CUX1: variants seen among roughly 807,000 people sequenced by gnomAD.
The protein encoded by CUX1 is cut like homeobox 1.
In CUX1, 31 loss-of-function variants were observed where a neutral mutation model predicts 158.8. That is an observed-to-expected ratio of 0.20 (90% confidence interval 0.15 to 0.26). CUX1 has a LOEUF of 0.26. CUX1 is among the 10% of genes least tolerant of loss of function. The probability of loss-of-function intolerance (pLI) is 1.00; values close to 1 mark genes in which losing one functional copy is unlikely to be tolerated. For synonymous variants in CUX1, 879 were observed against 862.1 expected (o/e 1.02, Z -0.34); for missense variants, 1,589 against 2,014.6 (o/e 0.79, Z 4.04).
At chr7:101,898,085 T>C (rs1412463864) in intron 1 of CUX1, among the ~76,000 whole-genome samples, 2 of 151,954 alleles carry the variant, frequency 1.3e-5, no homozygotes, top group Non-Finnish European at 2.9e-5. Context: ...AGCGCAGATG[T>C]ACTTGGAGTG....
intron 21 of CUX1, among the ~76,000 whole-genome samples, chr7:102,232,278 C>G (rs148419330): frequency 6.6e-6 from 1 of 152,118 alleles, no homozygotes; most frequent in East Asian, 1.9e-4. Flanking sequence ...CCCAGGAGCT[C>G]GAGTCCAGCC....
In CUX1 at chr7:102,257,824, T is replaced by G. The variant is rs1250917615; in HGVS notation, c.*8782T>G. The G allele has an allele frequency of 1.0e-6, 1 of 981,272 alleles. No individual in the cohort carries two copies. The highest frequency in any genetic ancestry group is 1.2e-6 in the Non-Finnish European group (1 of 829,392). 60.8% of individuals were successfully genotyped at this position (981,272 alleles called of 1,614,324 possible). On this transcript the variant is annotated 3_prime_UTR_variant, in exon 24 of 24. Transcript: ENST00000292535. Reference sequence around the variant, plus strand: ...AGAGCTTGTTTGTTCATCCTCACAATCACAGATTTTTTTCTCCAATCCTCA... The same window carrying G: ...AGAGCTTGTTTGTTCATCCTCACAAGCACAGATTTTTTTCTCCAATCCTCA...
chr7:102,122,233 C>G (rs952991840), intron 8 of CUX1, among the ~76,000 whole-genome samples: 7 of 152,206 alleles, frequency 4.6e-5, no homozygotes, highest in Admixed American at 3.3e-4. Context: ...GTTTCCAGTA[C>G]GAGTTGCTGT....
At chr7:102,036,365 A>G (rs1238717663) in intron 3 of CUX1, among the ~76,000 whole-genome samples, 1 of 152,236 alleles carries the variant, frequency 6.6e-6, no homozygotes, top group Non-Finnish European at 1.5e-5. Flanking sequence ...ACTCCAAGTT[A>G]GAGGAATTGC....
At chr7:102,033,642 T>C (rs1261865345) in intron 3 of CUX1, among the ~76,000 whole-genome samples, 1 of 152,214 alleles carries the variant, frequency 6.6e-6, no homozygotes, top group Non-Finnish European at 1.5e-5. Flanking sequence ...ACAACTTGAA[T>C]AGCTTTGTAA....
intron 9 of CUX1, among the ~76,000 whole-genome samples, chr7:102,168,913 A>ATTTTCTTTTC (rs1165450105): frequency 9.1e-6 from 1 of 109,850 alleles, no homozygotes; most frequent in Non-Finnish European, 1.7e-5. Flanking sequence ...CTTTTCTTTT[A>ATTTTCTTTTC]TTTTCTTTTC....
intron 20 of CUX1, chr7:102,280,934 C>T: frequency 7.0e-7 from 1 of 1,438,104 alleles, no homozygotes; most frequent in South Asian, 1.2e-5. Context: ...CTTCACCTGC[C>T]CTGCAGCCCA....
intron 2 of CUX1, among the ~76,000 whole-genome samples, chr7:101,926,592 C>T (rs940563344): frequency 1.3e-5 from 2 of 152,190 alleles, no homozygotes; most frequent in Admixed American, 6.5e-5. Context: ...GTGACAGAAA[C>T]TTAACCCCAG....
intron 1 of CUX1, among the ~76,000 whole-genome samples, chr7:101,860,084 C>T (rs949112593): frequency 6.6e-6 from 1 of 151,814 alleles, no homozygotes; most frequent in Non-Finnish European, 1.5e-5. Flanking sequence ...CCCCTTCTCC[C>T]CTCTCCTATC....
intron 1 of CUX1, among the ~76,000 whole-genome samples, chr7:101,853,098 C>G (rs78657756): frequency 6.6e-6 from 1 of 152,122 alleles, no homozygotes; most frequent in Non-Finnish European, 1.5e-5. Context: ...AACCCTCCAC[C>G]CAACCCTAAG....
chr7:102,065,496 G>A (rs1422324760), intron 3 of CUX1, among the ~76,000 whole-genome samples: 1 of 152,220 alleles, frequency 6.6e-6, no homozygotes, highest in Non-Finnish European at 1.5e-5. Context: ...GCCCAGCCTT[G>A]AGGCCCATTC....
At position 101,840,761 on chromosome 7, in the gene CUX1, C is replaced by T. The variant is rs1584723636; in HGVS notation, c.30+23092C>T. Among the ~76,000 whole-genome samples the T allele has an allele frequency of 3.3e-5, 5 of 152,254 alleles. No homozygotes were observed. The South Asian group carries it at 8.3e-4, about 25-fold the overall frequency. On this transcript the variant is annotated intron_variant, in intron 1 of 23. Coordinates refer to ENST00000292535, the MANE Select transcript of CUX1 (RefSeq NM_181552.4). ...TATATAACATGAGGATTATCTGTATCTTAAAATTTGATAGCTCACCTTTGA... is the reference window on the plus strand; with the variant it reads ...TATATAACATGAGGATTATCTGTATTTTAAAATTTGATAGCTCACCTTTGA...
In CUX1 at chr7:101,974,600, A is replaced by G. The variant is rs953134812; in HGVS notation, c.142-53498A>G. Among the ~76,000 whole-genome samples, 7 of 152,302 alleles carry G rather than the reference A, an allele frequency of 4.6e-5. 1 individual carries two copies. Among genetic ancestry groups the G allele is most frequent in the Admixed American group, 3.9e-4 (6 of 15,300 alleles). On this transcript the variant is annotated intron_variant, in intron 2 of 23. Transcript: ENST00000292535. ...CTATAATCTAAATATAGATGTAGAT[A>G]TATTACAGGTTGGCCTTTTCAGCTG... is the stretch of plus-strand genomic sequence containing the variant.
At chr7:102,051,985 G>T (rs1272664286) in intron 3 of CUX1, among the ~76,000 whole-genome samples, 1 of 152,122 alleles carries the variant, frequency 6.6e-6, no homozygotes, top group African/African-American at 2.4e-5. Context: ...GCCAAGTCAG[G>T]CAGGTCACTT....
intron 3 of CUX1, among the ~76,000 whole-genome samples, chr7:102,061,386 C>T (rs1023431311): frequency 1.3e-5 from 2 of 152,122 alleles, no homozygotes; most frequent in Non-Finnish European, 1.5e-5. Context: ...TATCATATCC[C>T]TAGGAGGGGC....
In CUX1 at chr7:102,250,612, G is replaced by A. The variant is rs1801407472; in HGVS notation, c.*1570G>A. ...ATGGCCCAAACTCACACCAAAACGT[G>A]GATGCTCTTCAACTTCCAAACCTAC... On this transcript the variant is annotated 3_prime_UTR_variant, in exon 24 of 24. Coordinates refer to ENST00000292535, the MANE Select transcript of CUX1 (RefSeq NM_181552.4). 1 of 985,232 alleles carries A rather than the reference G, an allele frequency of 1.0e-6. No homozygotes were observed. The highest frequency in any genetic ancestry group is 6.2e-5 in the Admixed American group (1 of 16,260). 61.0% of individuals were successfully genotyped at this position (985,232 alleles called of 1,614,324 possible).
At chr7:102,279,178 TA>T (rs1290323306) in intron 18 of CUX1, among the ~76,000 whole-genome samples, 3 of 152,000 alleles carry the variant, frequency 2.0e-5, no homozygotes, top group Admixed American at 1.3e-4. Flanking sequence ...CCGTCTCTAC[TA>T]AAAATATAAA....
chr7:101,844,955 A>T (rs1795533911), intron 1 of CUX1, among the ~76,000 whole-genome samples: 2 of 152,190 alleles, frequency 1.3e-5, no homozygotes, highest in Admixed American at 1.3e-4. Context: ...TATCTAAATA[A>T]TGATTTCTTC....
intron 14 of CUX1, among the ~76,000 whole-genome samples, chr7:102,269,118 TTTTGTTTGTTTGTTTGTTTG>T (rs71123029): frequency 3.4e-5 from 5 of 147,892 alleles, no homozygotes; most frequent in East Asian, 2.0e-4. Context: ...GTGTGGGTTT[TTTTGTTTGTTTGTTTGTTTG>T]TTTGTTTGTT....
Sources: gnomAD v4.1 joint callset for allele counts (sites outside exome capture counted in the v4.1 genomes callset) on GRCh38, gnomAD v4.1.1 for gene constraint, MANE v1.5 for transcripts, NCBI Gene and HGNC (gene_info 2026-07-23, HGNC 2026-07-21) for gene names.